PSPH: variants seen among roughly 807,000 people sequenced by gnomAD.
The protein encoded by PSPH is L-3-phosphoserine phosphatase.
A neutral mutation model predicts 23.4 loss-of-function variants in PSPH; 16 were observed. The observed-to-expected ratio is 0.68, with a 90% CI of 0.46 to 1.04. The LOEUF is 1.04. Ranked by LOEUF, PSPH falls within the 50% of genes least tolerant of loss-of-function variation. The pLI, the probability that PSPH is intolerant of heterozygous loss-of-function variation, is 0.00. For missense variants in PSPH, 223 were observed against 273.7 expected, an observed-to-expected ratio of 0.81 and a Z score of 1.31; for synonymous variants, 68 against 99.7, an observed-to-expected ratio of 0.68 and a Z score of 1.89.
chr7:56,017,343 C>A lies in PSPH; in HGVS notation c.312G>T (p.Gln104His). The change falls in exon 6 of 8, where the codon CAG becomes CAT. Residue 104 changes from glutamine (Q) to histidine (H), a missense_variant. Coordinates refer to ENST00000275605, the MANE Select transcript of PSPH (RefSeq NM_004577.4). The stretch of plus-strand genomic sequence containing the variant: ...TAAAGCCACCAGATATTAGGAAAAC[C>A]TGAACATTTCGCTCCTGTAGGCGAC... ...LVSRLQERNV[Q>H]VFLISGGFRS... 1 of 1,593,592 alleles carries A rather than the reference C, an allele frequency of 6.3e-7. No individual in the cohort carries two copies. Among genetic ancestry groups the A allele is most frequent in the East Asian group, 2.3e-5 (1 of 43,426 alleles).
chr7:56,022,835 C>A (rs1196539926), intron 3 of PSPH, among the ~76,000 whole-genome samples: 2 of 152,124 alleles, frequency 1.3e-5, no homozygotes, highest in Non-Finnish European at 2.9e-5. Context: ...GAGGCGGGAG[C>A]ATCACTTGAA....
At chr7:56,014,947 A>G (rs1788386337) in intron 7 of PSPH, 76 bp downstream of exon 7, 19 of 1,405,990 alleles carry the variant, frequency 1.4e-5, no homozygotes, top group Non-Finnish European at 1.8e-5. Context: ...CCGTCTCAAA[A>G]AAAATAAAGA....
At chr7:56,027,887 T>TAAA (rs11445778) in intron 3 of PSPH, among the ~76,000 whole-genome samples, 3,607 of 74,652 alleles carry the variant, frequency 0.048, 130 homozygotes, top group Non-Finnish European at 0.07. Flanking sequence ...ATTCTTTCTC[T>TAAA]AAAAAAAAAA....
At chr7:56,047,669 C>CTT (rs1197894960) in intron 1 of PSPH, among the ~76,000 whole-genome samples, 7 of 138,490 alleles carry the variant, frequency 5.1e-5, no homozygotes, top group Non-Finnish European at 7.9e-5. Context: ...GAATAACCTG[C>CTT]TTTTTTTTTT....
rs1412448233 is a variant in PSPH at position 56,034,313 on chromosome 7, A to T, written c.-291-207T>A. On this transcript the variant is annotated intron_variant, in intron 1 of 7. Coordinates refer to ENST00000275605, the MANE Select transcript of PSPH (RefSeq NM_004577.4). ...GGTGCCTGTGGCACCTCCGCTTTGC[A>T]GAGGAAAAGAGCTCCCGGACCTTCA... is the stretch of plus-strand genomic sequence containing the variant. 4.6e-5 allele frequency: 7 copies of T among 152,404 alleles called. No individual in the cohort carries two copies. In the East Asian group the frequency reaches 9.7e-4, roughly 21 times the overall value. The allele number at this position is 152,404 out of a possible 1,614,324, so 9.4% of individuals were successfully genotyped here.
intron 1 of PSPH, among the ~76,000 whole-genome samples, chr7:56,048,485 T>C (rs923660084): frequency 2.6e-5 from 4 of 152,122 alleles, no homozygotes; most frequent in African/African-American, 9.7e-5. Context: ...GGGCCAGAGA[T>C]AGAAGATTCA....
intron 3 of PSPH, among the ~76,000 whole-genome samples, chr7:56,029,495 A>AG (rs1790652700): frequency 6.6e-6 from 1 of 150,652 alleles, no homozygotes; most frequent in Admixed American, 6.6e-5. Context: ...AACTGATTAA[A>AG]AAAAAAAAAA....
chr7:56,035,190 A>C (rs866887583), intron 1 of PSPH, among the ~76,000 whole-genome samples: 1 of 152,038 alleles, frequency 6.6e-6, no homozygotes, highest in Non-Finnish European at 1.5e-5. Context: ...AAAATACAAA[A>C]ATTAGCGGGG....
At chr7:56,017,832 CTT>C (rs764005867) in intron 5 of PSPH, among the ~76,000 whole-genome samples, 1 of 150,552 alleles carries the variant, frequency 6.6e-6, no homozygotes, top group African/African-American at 2.4e-5. Flanking sequence ...AAGCGATTCT[CTT>C]GTGTCAGCCT....
chr7:56,032,484 C>T (rs1312165583), intron 2 of PSPH, among the ~76,000 whole-genome samples: 2 of 150,874 alleles, frequency 1.3e-5, no homozygotes, highest in Non-Finnish European at 1.5e-5. Context: ...GGCGAAACCA[C>T]GTCTCTACCA....
Position 56,021,131 on chromosome 7 carries a change from C to T in PSPH, c.82G>A (p.Glu28Lys). ...CFDVDSTVIR[E>K]EGIDELAKIC... ...TTGGCTAGCTCATCGATTCCTTCTT[C>T]TCTGATGACCGTGCTGTCAACATCA... Residue 28 changes from glutamate (E) to lysine (K), a missense_variant, in exon 4 of 8, where the codon GAA becomes AAA. By Grantham distance (56) the Glu-to-Lys change is moderately conservative. Coordinates refer to ENST00000275605, the MANE Select transcript of PSPH (RefSeq NM_004577.4). 1 of 1,614,260 alleles carries T rather than the reference C, an allele frequency of 6.2e-7. No individual in the cohort carries two copies.
chr7:56,024,338 A>C (rs1049747047), intron 3 of PSPH, among the ~76,000 whole-genome samples: 1 of 151,776 alleles, frequency 6.6e-6, no homozygotes, highest in Non-Finnish European at 1.5e-5. Flanking sequence ...TGGCCTCTTG[A>C]GTAGCTGGGA....
At chr7:56,028,786 C>CCCTGTACACT (rs1272595455) in intron 3 of PSPH, among the ~76,000 whole-genome samples, 1 of 151,802 alleles carries the variant, frequency 6.6e-6, no homozygotes, top group Non-Finnish European at 1.5e-5. Context: ...TGGTGCACCT[C>CCCTGTACACT]CCTGTACACT....
At chr7:56,049,588 G>A (rs528238238) in intron 1 of PSPH, among the ~76,000 whole-genome samples, 4 of 151,470 alleles carry the variant, frequency 2.6e-5, no homozygotes, top group African/African-American at 4.9e-5. Flanking sequence ...ACAGGCAGCC[G>A]CCACCATGCC....
intron 3 of PSPH, among the ~76,000 whole-genome samples, chr7:56,022,467 G>A (rs568346089): frequency 1.2e-4 from 18 of 152,218 alleles, no homozygotes; most frequent in East Asian, 9.7e-4. Flanking sequence ...GAGAGGGAGC[G>A]GGGGTGGAGA....
rs766855269 is a variant in PSPH at position 56,011,113 on chromosome 7, T to G, written c.*649A>C. On this transcript the variant is annotated 3_prime_UTR_variant, in exon 8 of 8. Transcript: ENST00000275605. ...TTGACATACCAAAGAGAAACCAATA[T>G]TCACTGAAGGCTGCCGAATCCGTAT... 3.3e-5 allele frequency: 5 copies of G among 150,948 alleles called. 1 individual carries two copies. The highest frequency in any genetic ancestry group is 7.3e-5 in the Non-Finnish European group (5 of 68,044). 9.4% of individuals were successfully genotyped at this position (150,948 alleles called of 1,614,324 possible). A position where few individuals can be genotyped will look rare whatever the true frequency, so the allele number is the denominator to read the frequency against.
At chr7:56,016,074 T>G (rs1388157022) in intron 6 of PSPH, among the ~76,000 whole-genome samples, 1 of 152,094 alleles carries the variant, frequency 6.6e-6, no homozygotes, top group Middle Eastern at 3.2e-3. Flanking sequence ...TCTTGACTTC[T>G]TTTTTCAATG....
intron 1 of PSPH, among the ~76,000 whole-genome samples, chr7:56,048,147 T>C (rs893340047): frequency 2.0e-5 from 3 of 151,664 alleles, no homozygotes; most frequent in Admixed American, 2.0e-4. Context: ...GGCATGGTGG[T>C]GGGTGCCTGT....
chr7:56,034,715 A>G (rs1044857128), intron 1 of PSPH, among the ~76,000 whole-genome samples: 1 of 151,534 alleles, frequency 6.6e-6, no homozygotes, highest in Admixed American at 6.6e-5. Context: ...ACGGGGTTTC[A>G]CCGTGTTAGC....
Sources: allele counts gnomAD v4.1 joint callset (sites outside exome capture counted in the v4.1 genomes callset), GRCh38; gene constraint gnomAD v4.1.1; transcripts MANE v1.5; gene names NCBI Gene and HGNC (gene_info 2026-07-23, HGNC 2026-07-21).